The following BZW2 variants were observed in gnomAD, a reference collection of about 807,000 sequenced individuals.
BZW2 encodes the protein eIF5-mimic protein 1.
In BZW2, 23 loss-of-function variants were observed where a neutral mutation model predicts 53.2. That is an observed-to-expected ratio of 0.43 (90% CI 0.31 to 0.61). The LOEUF (loss-of-function observed/expected upper bound fraction) is 0.61, where lower values mean the gene tolerates loss of function less well. BZW2 is among the 20% of genes least tolerant of loss of function. The pLI is 0.09. For missense variants in BZW2, 409 were observed against 503.1 expected, an observed-to-expected ratio of 0.81 and a Z score of 1.79; for synonymous variants, 227 against 186.4, an observed-to-expected ratio of 1.22 and a Z score of -1.77.
chr7:16,697,298 C>G lies in BZW2; in HGVS notation c.969+237C>G, dbSNP rs555394125. ...TAGAGATGTAGTCTCGCTGTGTTGC[C>G]CAGGCTGGTCTTGAACTCCTGCATT... On this transcript the variant is annotated intron_variant, in intron 9 of 11. Coordinates refer to ENST00000258761, the MANE Select transcript of BZW2 (RefSeq NM_014038.3). Among the ~76,000 whole-genome samples, 7 of 152,182 alleles carry G rather than the reference C, an allele frequency of 4.6e-5. No homozygotes were observed. In the East Asian group the frequency reaches 1.4e-3, roughly 29 times the overall value.
At chr7:16,698,851 G>T (rs1783582663) in intron 10 of BZW2, among the ~76,000 whole-genome samples, 3 of 152,062 alleles carry the variant, frequency 2.0e-5, no homozygotes, top group Admixed American at 2.0e-4. Flanking sequence ...GGAGAAAAAG[G>T]AACACTTAAG....
chr7:16,663,565 T>G (rs988308110), intron 1 of BZW2, among the ~76,000 whole-genome samples: 1 of 152,156 alleles, frequency 6.6e-6, no homozygotes, highest in Non-Finnish European at 1.5e-5. Context: ...AAGGAAAATT[T>G]GGTACATAAA....
chr7:16,687,266 T>C (rs1051645732), intron 6 of BZW2: 1 of 152,182 alleles, frequency 6.6e-6, no homozygotes, highest in African/African-American at 2.4e-5. Flanking sequence ...CTTTTCTGTA[T>C]GTCTGGAAAT....
chr7:16,681,824 A>G (rs953347113), intron 4 of BZW2, among the ~76,000 whole-genome samples: 2 of 152,178 alleles, frequency 1.3e-5, no homozygotes, highest in African/African-American at 4.8e-5. Context: ...GTGAGATTCC[A>G]TCTCAAAACA....
At chr7:16,697,537 T>C (rs966144648) in intron 9 of BZW2, among the ~76,000 whole-genome samples, 2 of 152,202 alleles carry the variant, frequency 1.3e-5, no homozygotes, top group Admixed American at 6.5e-5. Flanking sequence ...CATGTTACTT[T>C]GATCAGGGAA....
At chr7:16,663,060 A>G (rs1016596629) in intron 1 of BZW2, among the ~76,000 whole-genome samples, 3 of 152,242 alleles carry the variant, frequency 2.0e-5, no homozygotes, top group Non-Finnish European at 2.9e-5. Context: ...GAATCTGTTT[A>G]TAATGCCAGC....
chr7:16,672,430 CAT>C (rs910942547), intron 2 of BZW2, among the ~76,000 whole-genome samples: 12 of 151,962 alleles, frequency 7.9e-5, no homozygotes, highest in African/African-American at 2.9e-4. Flanking sequence ...CTTTTCCTAT[CAT>C]ATTTTTTATT....
intron 1 of BZW2, among the ~76,000 whole-genome samples, chr7:16,656,598 A>ACACACACAC (rs1562475777): frequency 4.1e-5 from 5 of 122,624 alleles, no homozygotes; most frequent in African/African-American, 1.1e-4. Context: ...CACACACACA[A>ACACACACAC]GTAGGTTTAG....
chr7:16,676,036 G>A (rs779063374), intron 3 of BZW2, among the ~76,000 whole-genome samples: 7 of 151,846 alleles, frequency 4.6e-5, no homozygotes, highest in Admixed American at 4.6e-4. Flanking sequence ...AGCTGAGATC[G>A]AGCCTCTGCA....
chr7:16,684,910 A>G (rs1211670501), intron 5 of BZW2, among the ~76,000 whole-genome samples: 1 of 152,172 alleles, frequency 6.6e-6, no homozygotes, highest in African/African-American at 2.4e-5. Flanking sequence ...ATATTTTCTT[A>G]TCCCCTACAC....
chr7:16,697,658 C>A (rs1783542492), intron 9 of BZW2, among the ~76,000 whole-genome samples: 1 of 152,202 alleles, frequency 6.6e-6, no homozygotes. Context: ...TTTATCCCAG[C>A]AGCTCATCAA....
chr7:16,700,260 G>T (rs1783625440), intron 10 of BZW2, among the ~76,000 whole-genome samples: 1 of 152,144 alleles, frequency 6.6e-6, no homozygotes, highest in Admixed American at 6.6e-5. Flanking sequence ...TTTCTCTGGA[G>T]AACATGCAAT....
intron 10 of BZW2, among the ~76,000 whole-genome samples, chr7:16,701,929 C>G (rs1267217034): frequency 6.6e-6 from 1 of 152,060 alleles, no homozygotes; most frequent in Non-Finnish European, 1.5e-5. Context: ...GGGCACCTAA[C>G]TTGTTAAAGG....
At chr7:16,697,372 G>A (rs975005927) in intron 9 of BZW2, among the ~76,000 whole-genome samples, 2 of 152,194 alleles carry the variant, frequency 1.3e-5, no homozygotes, top group African/African-American at 4.8e-5. Context: ...TTGCAGGCAT[G>A]AGCCACCACG....
chr7:16,659,720 G>C (rs1047539582), intron 1 of BZW2, among the ~76,000 whole-genome samples: 2 of 152,048 alleles, frequency 1.3e-5, no homozygotes, highest in Middle Eastern at 3.2e-3. Flanking sequence ...TAAATACAAA[G>C]TACTTCATGA....
chr7:16,693,266 C>G (rs1783373469), intron 7 of BZW2, among the ~76,000 whole-genome samples: 2 of 152,182 alleles, frequency 1.3e-5, no homozygotes, highest in South Asian at 4.1e-4. Context: ...AAACCATGTT[C>G]CAAGTCAAAA....
chr7:16,647,952 ACTAT>A lies in BZW2; in HGVS notation c.-8+1669_-8+1672del, dbSNP rs1253617730. Among the ~76,000 whole-genome samples, 14 of 152,338 alleles carry A rather than the reference ACTAT, an allele frequency of 9.2e-5. No individual in the cohort carries two copies. The East Asian group carries it at 1.2e-3, about 13-fold the overall frequency. ...GTCAGTTCCTCGAGGATAGCAGCTT[ACTAT>A]CTATTTTCTTGATGCCTTATGACAC... is the stretch of plus-strand genomic sequence containing the variant. On this transcript the variant is annotated intron_variant, in intron 1 of 11. Coordinates refer to ENST00000258761, the MANE Select transcript of BZW2 (RefSeq NM_014038.3).
chr7:16,682,532 A>T, intron 4 of BZW2, among the ~76,000 whole-genome samples: 1 of 151,060 alleles, frequency 6.6e-6, no homozygotes, highest in East Asian at 1.9e-4. Context: ...TTTTCGTCGA[A>T]TTTTTTTTTC....
At chr7:16,688,087 T>G (rs1783186245) in intron 6 of BZW2, among the ~76,000 whole-genome samples, 2 of 152,166 alleles carry the variant, frequency 1.3e-5, no homozygotes, top group African/African-American at 4.8e-5. Context: ...CAGGTTTAGT[T>G]GGTGTCTATA....
Sources: gnomAD v4.1 joint callset for allele counts (sites outside exome capture counted in the v4.1 genomes callset) on GRCh38, gnomAD v4.1.1 for gene constraint, MANE v1.5 for transcripts, NCBI Gene and HGNC (gene_info 2026-07-23, HGNC 2026-07-21) for gene names.